Variants in ARSB observed in about 807,000 individuals in gnomAD.
ARSB encodes N-acetylgalactosamine-4-sulfatase.
Under a neutral mutation model 50.9 loss-of-function variants are expected in ARSB, and 41 were observed. That is an observed-to-expected ratio of 0.81 (90% CI 0.63 to 1.04). The LOEUF (loss-of-function observed/expected upper bound fraction) is 1.04. ARSB is among the 50% of genes least tolerant of loss of function. The probability of loss-of-function intolerance (pLI) is 0.00; values close to 1 mark genes in which losing one functional copy is unlikely to be tolerated. For synonymous variants in ARSB, 269 were observed against 284.8 expected (o/e 0.94, Z 0.56); for missense variants, 672 against 693.3 (o/e 0.97, Z 0.35).
At chr5:78,892,739 C>G (rs1021168375) in intron 4 of ARSB, among the ~76,000 whole-genome samples, 1 of 152,050 alleles carries the variant, frequency 6.6e-6, no homozygotes, top group African/African-American at 2.4e-5. Context: ...AATTAAACAC[C>G]AGAAACTGAA....
chr5:78,874,399 T>A (rs917328660), intron 5 of ARSB, among the ~76,000 whole-genome samples: 1 of 152,110 alleles, frequency 6.6e-6, no homozygotes, highest in African/African-American at 2.4e-5. Flanking sequence ...TGGAAGAGAA[T>A]GAAAAGTTAC....
At chr5:78,797,810 T>C (rs1743237402) in intron 6 of ARSB, among the ~76,000 whole-genome samples, 1 of 152,180 alleles carries the variant, frequency 6.6e-6, no homozygotes, top group Non-Finnish European at 1.5e-5. Context: ...TTGTCTCCAC[T>C]TCTTCTGGCT....
intron 6 of ARSB, among the ~76,000 whole-genome samples, chr5:78,788,312 A>G (rs1749150022): frequency 6.6e-6 from 1 of 152,210 alleles, no homozygotes; most frequent in South Asian, 2.1e-4. Context: ...TATGTTACAT[A>G]ATACGTAGTA....
At chr5:78,984,296 C>T (rs548160194) in intron 1 of ARSB, among the ~76,000 whole-genome samples, 5 of 152,314 alleles carry the variant, frequency 3.3e-5, no homozygotes, top group African/African-American at 9.6e-5. Flanking sequence ...ATTTATATTT[C>T]CTTCGTTAAC....
chr5:78,949,437 T>C (rs959071589), intron 4 of ARSB, among the ~76,000 whole-genome samples: 1 of 152,188 alleles, frequency 6.6e-6, no homozygotes, highest in Non-Finnish European at 1.5e-5. Context: ...CACTGCTCTG[T>C]GATTAGTTAG....
intron 5 of ARSB, chr5:78,883,201 T>C (rs1011935366): frequency 3.3e-5 from 5 of 152,090 alleles, no homozygotes; most frequent in African/African-American, 4.8e-5. Context: ...GAGGCAGAAA[T>C]GTTTCAAAGA....
chr5:78,943,333 G>T (rs1043632825), intron 4 of ARSB, among the ~76,000 whole-genome samples: 1 of 152,132 alleles, frequency 6.6e-6, no homozygotes, highest in African/African-American at 2.4e-5. Context: ...ATGTTAGCTG[G>T]TTATTTTGCT....
At chr5:78,954,024 T>C (rs938581525) in intron 4 of ARSB, among the ~76,000 whole-genome samples, 2 of 151,784 alleles carry the variant, frequency 1.3e-5, no homozygotes, top group African/African-American at 4.8e-5. Flanking sequence ...GACATGGCAG[T>C]TAAAATAAAT....
At chr5:78,848,582 T>A (rs1194161679) in intron 5 of ARSB, among the ~76,000 whole-genome samples, 5 of 151,642 alleles carry the variant, frequency 3.3e-5, no homozygotes, top group African/African-American at 1.2e-4. Flanking sequence ...ATATACCCCG[T>A]AATGGGATGG....
chr5:78,821,876 T>C (rs1744242654), intron 6 of ARSB, among the ~76,000 whole-genome samples: 1 of 152,210 alleles, frequency 6.6e-6, no homozygotes, highest in Non-Finnish European at 1.5e-5. Flanking sequence ...CTGATGCCAT[T>C]ATGGAAACTG....
intron 6 of ARSB, among the ~76,000 whole-genome samples, chr5:78,804,558 G>T (rs1383869424): frequency 6.6e-6 from 1 of 152,072 alleles, no homozygotes; most frequent in Admixed American, 6.5e-5. Context: ...GAGCTCAGAG[G>T]GATCAGGAGA....
At chr5:78,816,722 G>T (rs1482807372) in intron 6 of ARSB, among the ~76,000 whole-genome samples, 1 of 152,224 alleles carries the variant, frequency 6.6e-6, no homozygotes, top group African/African-American at 2.4e-5. Flanking sequence ...ACAAGAGGAA[G>T]CTTCTCCATT....
rs1748936854 is a variant in ARSB at position 78,781,870 on chromosome 5, G to C, written c.1318C>G (p.Leu440Val). 3 of 1,614,126 alleles carry C rather than the reference G, an allele frequency of 1.9e-6. No individual in the cohort carries two copies. Among genetic ancestry groups the C allele is most frequent in the Non-Finnish European group, 2.5e-6 (3 of 1,179,974 alleles). Residue 440 changes from leucine to valine, a missense_variant, in exon 7 of 8, where the codon CTC becomes GTC. Transcript: ENST00000264914. ...HAAIRHGNWKLLTGYPGCGYW... is the reference protein window; with the variant it reads ...HAAIRHGNWKVLTGYPGCGYW... ...ACTCTACCTGGGTAGCCCGTGAGGA[G>C]TTTCCAATTTCCATGTCTAATTGCA...
chr5:78,782,206 C>T (rs900835890), intron 6 of ARSB, among the ~76,000 whole-genome samples: 3 of 152,206 alleles, frequency 2.0e-5, no homozygotes, highest in African/African-American at 7.2e-5. Flanking sequence ...GATTACAACA[C>T]TAATTCATCC....
intron 6 of ARSB, among the ~76,000 whole-genome samples, chr5:78,817,991 C>T (rs538403772): frequency 6.6e-6 from 1 of 152,086 alleles, no homozygotes; most frequent in South Asian, 2.1e-4. Context: ...ACTAAAAATA[C>T]AAAAAAATTA....
At chr5:78,978,238 C>G (rs1752748373) in intron 1 of ARSB, among the ~76,000 whole-genome samples, 1 of 151,072 alleles carries the variant, frequency 6.6e-6, no homozygotes, top group African/African-American at 2.4e-5. Flanking sequence ...ACTCAGGAGG[C>G]TGAGGCAGGA....
intron 5 of ARSB, among the ~76,000 whole-genome samples, chr5:78,841,166 T>TACTACTACTACTACTACC (rs1470322299): frequency 1.6e-5 from 2 of 126,696 alleles, no homozygotes; most frequent in Non-Finnish European, 3.5e-5. Flanking sequence ...CTACTACTAC[T>TACTACTACTACTACTACC]ACTAATAATA....
At chr5:78,928,036 C>A (rs1224627077) in intron 4 of ARSB, among the ~76,000 whole-genome samples, 1 of 152,182 alleles carries the variant, frequency 6.6e-6, no homozygotes, top group Non-Finnish European at 1.5e-5. Flanking sequence ...CGCAGACAGA[C>A]TTCATATCTG....
intron 4 of ARSB, among the ~76,000 whole-genome samples, chr5:78,891,556 G>A (rs951650800): frequency 2.0e-5 from 3 of 152,156 alleles, no homozygotes; most frequent in African/African-American, 7.2e-5. Context: ...TGTCCCTCAC[G>A]GAGTGAGTGA....
Sources: allele counts gnomAD v4.1 joint callset (sites outside exome capture counted in the v4.1 genomes callset), GRCh38; gene constraint gnomAD v4.1.1; transcripts MANE v1.5; gene names NCBI Gene and HGNC (gene_info 2026-07-23, HGNC 2026-07-21).